The following ANKH variants were observed in gnomAD, a reference collection of about 807,000 sequenced individuals.
The protein encoded by ANKH is ANKH inorganic pyrophosphate transport regulator.
In ANKH, 15 loss-of-function variants were observed where a neutral mutation model predicts 49.0. That is an observed-to-expected ratio of 0.31 (90% CI 0.20 to 0.47). The LOEUF (loss-of-function observed/expected upper bound fraction) is 0.47. ANKH is among the 20% of genes least tolerant of loss of function. The probability of loss-of-function intolerance (pLI) is 1.00; values close to 1 mark genes in which losing one functional copy is unlikely to be tolerated. For missense variants in ANKH, 429 were observed against 652.0 expected (o/e 0.66, Z 3.72); for synonymous variants, 273 against 260.0 (o/e 1.05, Z -0.48).
intron 1 of ANKH, chr5:14,797,902 A>T: frequency 6.2e-7 from 1 of 1,610,470 alleles, no homozygotes; most frequent in East Asian, 2.2e-5. Context: ...TCTGGGTTGC[A>T]TTCTCCAGAA....
rs76059387 is a variant in ANKH at position 14,718,451 on chromosome 5, A to C, written c.1012-1616T>G. Among the ~76,000 whole-genome samples the C allele has an allele frequency of 9.1e-3, 1,392 of 152,298 alleles. 13 individuals carry two copies. The highest frequency in any genetic ancestry group is 0.032 in the African/African-American group (1,323 of 41,562). ...GGAAAAAAAAAACTTTTCTCCACTGATATCCCCAGAGAAATGGGAGAAGAC... is the reference window on the plus strand; with the variant it reads ...GGAAAAAAAAAACTTTTCTCCACTGCTATCCCCAGAGAAATGGGAGAAGAC... On this transcript the variant is annotated intron_variant, in intron 8 of 11. Coordinates refer to ENST00000284268, the MANE Select transcript of ANKH (RefSeq NM_054027.6).
chr5:14,782,120 G>A (rs192269935), intron 1 of ANKH, among the ~76,000 whole-genome samples: 74 of 152,152 alleles, frequency 4.9e-4, no homozygotes, highest in Admixed American at 1.2e-3. Context: ...AAGCTGTGTC[G>A]TCTACTGCCT....
intron 1 of ANKH, among the ~76,000 whole-genome samples, chr5:14,846,241 G>A (rs1446416582): frequency 6.6e-6 from 1 of 152,172 alleles, no homozygotes; most frequent in Non-Finnish European, 1.5e-5. Context: ...AAACTGCGAG[G>A]AGGTCATAAT....
At chr5:14,831,343 T>C (rs1479659498) in intron 1 of ANKH, among the ~76,000 whole-genome samples, 3 of 152,214 alleles carry the variant, frequency 2.0e-5, no homozygotes, top group African/African-American at 7.2e-5. Context: ...GATGCCCCTA[T>C]TTGGCATTTT....
Position 14,706,549 on chromosome 5 carries a change from A to G in ANKH, c.*4648T>C, listed in dbSNP as rs1220776576. ...TCGTTTTTCCCTTTTGAGATCAGAT[A>G]GTATACTATATATTTGTGACTTTTC... is the stretch of plus-strand genomic sequence containing the variant. On this transcript the variant is annotated 3_prime_UTR_variant, in exon 12 of 12. Transcript: ENST00000284268. 1.3e-5 allele frequency: 2 copies of G among 152,210 alleles called. No individual in the cohort carries two copies. The highest frequency in any genetic ancestry group is 1.5e-5 in the Non-Finnish European group (1 of 68,032). 9.4% of individuals were successfully genotyped at this position (152,210 alleles called of 1,614,324 possible). A position where few individuals can be genotyped will look rare whatever the true frequency, so the allele number is the denominator to read the frequency against.
At chr5:14,868,687 G>A in intron 1 of ANKH, 1 of 151,310 alleles carries the variant, frequency 6.6e-6, no homozygotes, top group South Asian at 2.1e-4. Flanking sequence ...GGGATTACAG[G>A]TGTGAGCTAT....
chr5:14,804,033 T>C (rs1250055426), intron 1 of ANKH, among the ~76,000 whole-genome samples: 3 of 152,078 alleles, frequency 2.0e-5, no homozygotes, highest in Admixed American at 1.3e-4. Flanking sequence ...GTAGCTGGGA[T>C]TACAGGTGCG....
At chr5:14,866,571 G>A (rs1044975467) in intron 1 of ANKH, among the ~76,000 whole-genome samples, 2 of 152,092 alleles carry the variant, frequency 1.3e-5, no homozygotes, top group African/African-American at 2.4e-5. Flanking sequence ...GAGATCAAAT[G>A]GACATTTGCA....
intron 8 of ANKH, among the ~76,000 whole-genome samples, chr5:14,732,321 G>A (rs964585961): frequency 9.2e-5 from 14 of 151,958 alleles, no homozygotes; most frequent in Admixed American, 1.3e-4. Flanking sequence ...GAGCTTCCCC[G>A]AGGAGAAAAA....
chr5:14,777,161 C>G (rs1483653584), intron 1 of ANKH, among the ~76,000 whole-genome samples: 1 of 151,990 alleles, frequency 6.6e-6, no homozygotes, highest in Non-Finnish European at 1.5e-5. Flanking sequence ...GGGGGGGCAC[C>G]TGTAATTCCA....
At chr5:14,821,680 T>C (rs976638335) in intron 1 of ANKH, among the ~76,000 whole-genome samples, 17 of 152,258 alleles carry the variant, frequency 1.1e-4, no homozygotes, top group African/African-American at 4.1e-4. Context: ...AAACAGCCTT[T>C]GGCTGAAAAG....
chr5:14,822,689 GAA>G (rs1741229848), intron 1 of ANKH, among the ~76,000 whole-genome samples: 1 of 152,144 alleles, frequency 6.6e-6, no homozygotes, highest in Non-Finnish European at 1.5e-5. Context: ...TCAAATCCCA[GAA>G]ATACACGAAA....
rs1383365752 is a variant in ANKH, at chr5:14,713,471, T to C, written c.1265+73A>G. 6.3e-7 allele frequency: 1 copy of C among 1,587,066 alleles called. No homozygotes were observed. Among genetic ancestry groups the C allele is most frequent in the Non-Finnish European group, 8.6e-7 (1 of 1,161,428 alleles). On this transcript the variant is annotated intron_variant, in intron 10 of 11. Transcript: ENST00000284268. This position sits in a 1 kb window ranked among gnomAD's most constrained non-coding sequence, Gnocchi z 4.4. The stretch of plus-strand genomic sequence containing the variant: ...TGCCTGGGGATTTCCCCTGAAAATG[T>C]AGCTGTTAAACCTCTGGACACAGTA...
chr5:14,829,564 T>G (rs1421310585), intron 1 of ANKH, among the ~76,000 whole-genome samples: 1 of 152,198 alleles, frequency 6.6e-6, no homozygotes, highest in Non-Finnish European at 1.5e-5. Flanking sequence ...TTGGGCGAGT[T>G]GCCTGTTCTC....
intron 1 of ANKH, among the ~76,000 whole-genome samples, chr5:14,786,879 C>T (rs989033953): frequency 6.6e-6 from 1 of 152,176 alleles, no homozygotes; most frequent in Admixed American, 6.5e-5. Flanking sequence ...TTCATGAAAG[C>T]GTTCTTTGTC....
chr5:14,717,111 A>G (rs1258369952), intron 8 of ANKH: 1 of 428,332 alleles, frequency 2.3e-6, no homozygotes. Flanking sequence ...TGAGTGGGTG[A>G]GCAGACCCGT....
chr5:14,721,822 C>T (rs1580006234), intron 8 of ANKH, among the ~76,000 whole-genome samples: 1 of 146,052 alleles, frequency 6.8e-6, no homozygotes. Flanking sequence ...CCCAGCTACT[C>T]GTGAGGCTGA....
chr5:14,797,822 T>C, intron 1 of ANKH: 1 of 1,611,360 alleles, frequency 6.2e-7, no homozygotes, highest in South Asian at 1.1e-5. Flanking sequence ...AAGCACTAAG[T>C]AAGTGCCCAC....
At chr5:14,755,755 C>A in intron 4 of ANKH, 106 bp downstream of exon 4, 2 of 1,063,808 alleles carry the variant, frequency 1.9e-6, no homozygotes, top group Admixed American at 3.6e-5. Context: ...AAAACCAGGT[C>A]GAATGCAGAG....
Sources: gnomAD v4.1 joint callset for allele counts (sites outside exome capture counted in the v4.1 genomes callset) on GRCh38, gnomAD v4.1.1 for gene constraint, Gnocchi (gnomAD v3.1) non-coding constraint, MANE v1.5 for transcripts, NCBI Gene and HGNC (gene_info 2026-07-23, HGNC 2026-07-21) for gene names.